NRXN3: variants seen among roughly 807,000 people sequenced by gnomAD.
NRXN3 encodes neurexin III.
In NRXN3, 32 loss-of-function variants were observed where a neutral mutation model predicts 137.6. That is an observed-to-expected ratio of 0.23 (90% CI 0.18 to 0.31). The LOEUF (loss-of-function observed/expected upper bound fraction) is 0.31. NRXN3 is among the 10% of genes least tolerant of loss of function. NRXN3 has a pLI of 1.00. For missense variants in NRXN3, 1,574 were observed against 2,062.5 expected (o/e 0.76, Z 4.59); for synonymous variants, 798 against 784.5 (o/e 1.02, Z -0.29).
intron 16 of NRXN3, among the ~76,000 whole-genome samples, chr14:79,545,161 T>C (rs2097307561): frequency 6.6e-6 from 1 of 152,208 alleles, no homozygotes; most frequent in Non-Finnish European, 1.5e-5. Flanking sequence ...GCTGCTATGA[T>C]AAATTACCAC....
chr14:78,716,518 G>C (rs575258826), intron 8 of NRXN3, among the ~76,000 whole-genome samples: 1 of 152,274 alleles, frequency 6.6e-6, no homozygotes, highest in African/African-American at 2.4e-5. Flanking sequence ...CATGTTAGTG[G>C]ACAGAAAAGA....
At chr14:78,934,705 C>G (rs2099330598) in intron 10 of NRXN3, among the ~76,000 whole-genome samples, 1 of 150,692 alleles carries the variant, frequency 6.6e-6, no homozygotes, top group African/African-American at 2.5e-5. Flanking sequence ...CAAACTATCA[C>G]AAGGAGAAAA....
intron 14 of NRXN3, among the ~76,000 whole-genome samples, chr14:78,983,883 GA>G (rs1399743242): frequency 8.4e-5 from 12 of 142,622 alleles, no homozygotes; most frequent in East Asian, 8.0e-4. Flanking sequence ...GAAAAAAAAA[GA>G]AAAAAAGGCT....
intron 15 of NRXN3, among the ~76,000 whole-genome samples, chr14:79,015,342 G>A (rs1353081666): frequency 6.6e-6 from 1 of 152,178 alleles, no homozygotes; most frequent in African/African-American, 2.4e-5. Flanking sequence ...CTCTGACCCA[G>A]CTGTGGGTGA....
intron 20 of NRXN3, among the ~76,000 whole-genome samples, chr14:79,815,078 C>T (rs372862007): frequency 1.9e-4 from 29 of 152,102 alleles, no homozygotes; most frequent in East Asian, 1.3e-3. Flanking sequence ...CCAGAGAACA[C>T]GACATACATA....
chr14:78,969,042 C>T (rs1009691928), intron 14 of NRXN3, among the ~76,000 whole-genome samples: 3 of 152,040 alleles, frequency 2.0e-5, no homozygotes, highest in Admixed American at 2.0e-4. Flanking sequence ...TAAAACAGGG[C>T]AATAAAACTT....
intron 1 of NRXN3, among the ~76,000 whole-genome samples, chr14:78,238,570 G>A (rs2066656993): frequency 6.6e-6 from 1 of 152,208 alleles, no homozygotes; most frequent in Admixed American, 6.5e-5. Context: ...TCTAGCTTTT[G>A]GCCATTTTGG....
chr14:78,783,042 TAA>T (rs1405879098), intron 8 of NRXN3, among the ~76,000 whole-genome samples: 2 of 152,200 alleles, frequency 1.3e-5, no homozygotes, highest in Admixed American at 1.3e-4. Flanking sequence ...AATTAGTGGA[TAA>T]AAGTTTGAGG....
chr14:79,113,147 T>C lies in NRXN3; in HGVS notation c.3262+125006T>C, dbSNP rs1350538212. Reference sequence around the variant, plus strand: ...GATACCAGCAGCACTCCCCTTCCAATTGTGCAAATAAAAAATGTCTCCAGA... The same window carrying C: ...GATACCAGCAGCACTCCCCTTCCAACTGTGCAAATAAAAAATGTCTCCAGA... On this transcript the variant is annotated intron_variant, in intron 15 of 20. Transcript: ENST00000335750. 3.3e-5 allele frequency among the ~76,000 whole-genome samples: 5 copies of C among 152,098 alleles called. No individual in the cohort carries two copies. In the East Asian group the frequency reaches 9.6e-4, roughly 29 times the overall value.
At chr14:78,562,497 C>T (rs542084292) in intron 4 of NRXN3, among the ~76,000 whole-genome samples, 1 of 151,414 alleles carries the variant, frequency 6.6e-6, no homozygotes, top group Admixed American at 6.6e-5. Context: ...CTCTTAGAAG[C>T]CAGTTGCCAT....
At chr14:79,754,458 T>C (rs929599162) in intron 19 of NRXN3, among the ~76,000 whole-genome samples, 3 of 141,968 alleles carry the variant, frequency 2.1e-5, no homozygotes, top group Admixed American at 7.3e-5. Context: ...CTGGAATCAA[T>C]CCCCTTGATG....
chr14:78,693,637 A>G (rs923032065), intron 6 of NRXN3, among the ~76,000 whole-genome samples: 1 of 146,208 alleles, frequency 6.8e-6, no homozygotes, highest in African/African-American at 2.6e-5. Context: ...ATGTTGCAAT[A>G]GCTTTTCAAG....
chr14:79,194,900 T>C lies in NRXN3; in HGVS notation c.3262+206759T>C, dbSNP rs571748495. Among the ~76,000 whole-genome samples the C allele has an allele frequency of 2.8e-3, 428 of 152,308 alleles. 2 individuals are homozygous for C. Among genetic ancestry groups the C allele is most frequent in the African/African-American group, 9.7e-3 (404 of 41,588 alleles). ...TCATGTGATTAACTGATTTTTCTAA[T>C]TTAAGGGAGTTATTTTCTGTGGAGG... is the stretch of plus-strand genomic sequence containing the variant. On this transcript the variant is annotated intron_variant, in intron 15 of 20. Transcript: ENST00000335750.
chr14:78,855,000 C>G (rs2099052942), intron 10 of NRXN3, among the ~76,000 whole-genome samples: 1 of 151,966 alleles, frequency 6.6e-6, no homozygotes, highest in African/African-American at 2.4e-5. Flanking sequence ...CCCGTCTCTA[C>G]TAAAAATACA....
At chr14:79,451,801 G>A (rs1600504710) in intron 15 of NRXN3, among the ~76,000 whole-genome samples, 2 of 152,174 alleles carry the variant, frequency 1.3e-5, no homozygotes, top group South Asian at 4.1e-4. Context: ...GAGATTAAAA[G>A]GAGCAAAGCT....
chr14:78,528,474 T>C (rs1470795288), intron 4 of NRXN3, among the ~76,000 whole-genome samples: 1 of 152,144 alleles, frequency 6.6e-6, no homozygotes, highest in Non-Finnish European at 1.5e-5. Context: ...TATTTGATTT[T>C]CCCCACAACT....
At chr14:78,997,674 A>T (rs2099532807) in intron 15 of NRXN3, among the ~76,000 whole-genome samples, 1 of 152,138 alleles carries the variant, frequency 6.6e-6, no homozygotes, top group Non-Finnish European at 1.5e-5. Flanking sequence ...AGGTGGTAAA[A>T]TTTACATCCA....
chr14:79,140,573 CTGTG>C (rs3035591), intron 15 of NRXN3, among the ~76,000 whole-genome samples: 1,596 of 143,600 alleles, frequency 0.011, 12 homozygotes, highest in African/African-American at 0.024. Context: ...CCCCACCTCA[CTGTG>C]TGTGTGTGTG....
intron 15 of NRXN3, among the ~76,000 whole-genome samples, chr14:79,250,108 A>G (rs2075733472): frequency 6.6e-6 from 1 of 152,204 alleles, no homozygotes; most frequent in Non-Finnish European, 1.5e-5. Context: ...GCAAACATAA[A>G]CAGAAATTTG....
Sources: allele counts gnomAD v4.1 joint callset (sites outside exome capture counted in the v4.1 genomes callset), GRCh38; gene constraint gnomAD v4.1.1; transcripts MANE v1.5; gene names NCBI Gene and HGNC (gene_info 2026-07-23, HGNC 2026-07-21).